GPHN: variants seen among roughly 807,000 people sequenced by gnomAD.
The protein encoded by GPHN is gephyrin.
GPHN carries 17 observed loss-of-function variants against 95.5 expected under a neutral mutation model. That is an observed-to-expected ratio of 0.18 (90% CI 0.12 to 0.27). The LOEUF is 0.27. GPHN is among the 10% of genes least tolerant of loss of function. The pLI is 1.00. For synonymous variants in GPHN, 320 were observed against 322.5 expected (o/e 0.99, Z 0.08); for missense variants, 660 against 978.1 (o/e 0.67, Z 4.34).
chr14:67,359,952 T>G, the GPHN span: 13 of 553,750 alleles, frequency 2.3e-5, no homozygotes, highest in South Asian at 2.5e-4. Context: ...ACCCCTCAAT[T>G]CCGGTTCGCC....
At chr14:66,761,071 T>C (rs1255424660) in intron 2 of GPHN, 1 of 444,294 alleles carries the variant, frequency 2.3e-6, no homozygotes, top group African/African-American at 2.0e-5. Context: ...CTTTGGAGAC[T>C]TGGAACTGCT....
the GPHN span, among the ~76,000 whole-genome samples, chr14:67,719,491 T>C: frequency 6.6e-6 from 1 of 152,162 alleles, no homozygotes; most frequent in Non-Finnish European, 1.5e-5. Flanking sequence ...TTCTTTTTTT[T>C]AGAGACAGGG....
the GPHN span, chr14:67,382,416 T>C: frequency 1.9e-6 from 3 of 1,593,306 alleles, no homozygotes; most frequent in South Asian, 3.4e-5. Flanking sequence ...GTAGGTACAT[T>C]CATAAATGAA....
intron 5 of GPHN, among the ~76,000 whole-genome samples, chr14:66,895,350 G>T (rs2064781806): frequency 6.6e-6 from 1 of 152,176 alleles, no homozygotes; most frequent in Non-Finnish European, 1.5e-5. Context: ...ACACACCGGG[G>T]CCTGTTGTGG....
At chr14:66,713,458 T>C (rs534985967) in intron 2 of GPHN, among the ~76,000 whole-genome samples, 3 of 152,264 alleles carry the variant, frequency 2.0e-5, no homozygotes, top group Admixed American at 2.0e-4. Context: ...TTGGGTTTAT[T>C]CCTGGTTTCT....
chr14:66,569,575 A>T (rs1484950632), intron 1 of GPHN, among the ~76,000 whole-genome samples: 1 of 152,062 alleles, frequency 6.6e-6, no homozygotes, highest in Non-Finnish European at 1.5e-5. Context: ...AGGCAAGAGA[A>T]TCGCTTGAAC....
intron 4 of GPHN, among the ~76,000 whole-genome samples, chr14:66,861,370 G>A (rs1256940923): frequency 6.6e-6 from 1 of 151,984 alleles, no homozygotes; most frequent in Non-Finnish European, 1.5e-5. Flanking sequence ...GAGCTAAAGA[G>A]AGAGATAGAT....
the GPHN span, among the ~76,000 whole-genome samples, chr14:67,298,515 C>CA: frequency 0.12 from 14,201 of 120,518 alleles, 1,203 homozygotes; most frequent in African/African-American, 0.25. Flanking sequence ...AACTCCGTCT[C>CA]AAAAAAAAAA....
the GPHN span, among the ~76,000 whole-genome samples, chr14:67,329,243 T>C: frequency 6.6e-6 from 1 of 152,214 alleles, no homozygotes; most frequent in African/African-American, 2.4e-5. Context: ...GTAGCAATTG[T>C]GAATGGGAGT....
chr14:66,636,666 A>G (rs1261785070), intron 1 of GPHN, among the ~76,000 whole-genome samples: 1 of 152,150 alleles, frequency 6.6e-6, no homozygotes, highest in African/African-American at 2.4e-5. Flanking sequence ...AGGATCCCAA[A>G]TGACACACAC....
At chr14:67,343,472 A>T in the GPHN span, 2 of 1,422,866 alleles carry the variant, frequency 1.4e-6, no homozygotes, top group Non-Finnish European at 2.0e-6. Context: ...TGTAAGCACA[A>T]AGTCTTCCTA....
chr14:67,692,156 C>G, the GPHN span: 1 of 325,138 alleles, frequency 3.1e-6, no homozygotes, highest in Non-Finnish European at 5.7e-6. Context: ...TATTTAGACC[C>G]CAGACCCTAA....
intron 2 of GPHN, among the ~76,000 whole-genome samples, chr14:66,722,130 CAT>C (rs1200046054): frequency 6.6e-6 from 1 of 151,698 alleles, no homozygotes; most frequent in Non-Finnish European, 1.5e-5. Flanking sequence ...TTTATAAGCA[CAT>C]ATAGAAGTTA....
intron 9 of GPHN, among the ~76,000 whole-genome samples, chr14:67,008,459 A>G (rs1248381813): frequency 2.6e-5 from 4 of 151,766 alleles, no homozygotes; most frequent in Non-Finnish European, 5.9e-5. Context: ...GTCTCAAAAA[A>G]AGAAAAAAGA....
chr14:66,571,652 A>T (rs2060694210), intron 1 of GPHN, among the ~76,000 whole-genome samples: 1 of 152,048 alleles, frequency 6.6e-6, no homozygotes. Context: ...CTCTACTAAA[A>T]ATATAAAAAT....
At chr14:66,641,156 A>C (rs939416446) in intron 1 of GPHN, among the ~76,000 whole-genome samples, 1 of 152,218 alleles carries the variant, frequency 6.6e-6, no homozygotes, top group Non-Finnish European at 1.5e-5. Context: ...ATAACGTATG[A>C]TGGTTCAACT....
chr14:67,051,597 A>G (rs1654899028), intron 10 of GPHN, among the ~76,000 whole-genome samples: 1 of 152,186 alleles, frequency 6.6e-6, no homozygotes, highest in Non-Finnish European at 1.5e-5. Flanking sequence ...AATTCAGGAA[A>G]TCCAGAGAAC....
chr14:66,603,391 T>C (rs1303700361), intron 1 of GPHN, among the ~76,000 whole-genome samples: 1 of 151,912 alleles, frequency 6.6e-6, no homozygotes, highest in Non-Finnish European at 1.5e-5. Flanking sequence ...CGAACACTTT[T>C]GTTCCTTGCT....
intron 9 of GPHN, among the ~76,000 whole-genome samples, chr14:67,006,636 A>C (rs2072631448): frequency 6.6e-6 from 1 of 152,196 alleles, no homozygotes. Context: ...TGCTTGACAA[A>C]GAAGGGAAAT....
Sources: allele counts gnomAD v4.1 joint callset (sites outside exome capture counted in the v4.1 genomes callset), GRCh38; gene constraint gnomAD v4.1.1; transcripts MANE v1.5; gene names NCBI Gene and HGNC (gene_info 2026-07-23, HGNC 2026-07-21).